The following TTC3 variants were observed in gnomAD, a reference collection of about 807,000 sequenced individuals.
The protein encoded by TTC3 is tetratricopeptide repeat domain 3, also known as E3 ubiquitin-protein ligase TTC3.
In TTC3, 180 loss-of-function variants were observed where a neutral mutation model predicts 249.6. The ratio of observed to expected loss-of-function variants is 0.72; its 90% CI spans 0.64 to 0.82. The LOEUF (loss-of-function observed/expected upper bound fraction) is 0.82, where lower values mean the gene tolerates loss of function less well. TTC3 is among the 40% of genes least tolerant of loss of function. The pLI is 0.00. For missense variants in TTC3, 2,061 were observed against 2,398.4 expected (o/e 0.86, Z 2.94); for synonymous variants, 717 against 805.0 (o/e 0.89, Z 1.85).
chr21:37,115,182 T>TAATAATAATAAC (rs2076032411), intron 11 of TTC3, among the ~76,000 whole-genome samples: 2 of 148,706 alleles, frequency 1.3e-5, no homozygotes, highest in East Asian at 2.0e-4. Flanking sequence ...AGTATAATAA[T>TAATAATAATAAC]AATAATAATA....
intron 11 of TTC3, among the ~76,000 whole-genome samples, chr21:37,118,910 CA>C (rs1414230764): frequency 1.1e-4 from 16 of 152,148 alleles, no homozygotes. Flanking sequence ...GTCTTTCTTG[CA>C]TATTTCATGT....
chr21:37,154,690 TTTTGTTTGTTTG>T (rs377222802), intron 27 of TTC3, among the ~76,000 whole-genome samples: 4 of 152,076 alleles, frequency 2.6e-5, no homozygotes, highest in Non-Finnish European at 4.4e-5. Context: ...CATGTGTTTT[TTTTGTTTGTTTG>T]TTTGTTTTTT....
At chr21:37,114,234 C>G (rs1482541547) in intron 11 of TTC3, among the ~76,000 whole-genome samples, 1 of 151,898 alleles carries the variant, frequency 6.6e-6, no homozygotes, top group African/African-American at 2.4e-5. Context: ...AAGAAACTAC[C>G]ATCAGAGTGA....
intron 40 of TTC3, 33 bp from the exon 41 acceptor site, chr21:37,192,079 G>T: frequency 7.6e-7 from 1 of 1,309,810 alleles, no homozygotes; most frequent in Non-Finnish European, 1.1e-6. Context: ...ATTGACAATT[G>T]TGGTTTTCCC....
intron 45 of TTC3, 95 bp downstream of exon 45, chr21:37,200,419 A>ATTGT (rs2085375434): frequency 7.5e-7 from 1 of 1,332,510 alleles, no homozygotes. Context: ...ATCAGTATTT[A>ATTGT]TTGTGCTTTC....
chr21:37,126,015 G>T lies in TTC3; in HGVS notation c.1234-65G>T. On this transcript the variant is annotated intron_variant, in intron 14 of 45. Transcript: ENST00000355666. ...ATTCTATTCTAAATTCTTTTATATAGCTATTGAATTCTTCATGGCTGGGTT... is the reference window on the plus strand; with the variant it reads ...ATTCTATTCTAAATTCTTTTATATATCTATTGAATTCTTCATGGCTGGGTT... 6.2e-6 allele frequency: 9 copies of T among 1,443,536 alleles called. No individual in the cohort carries two copies. The South Asian group carries it at 1.0e-4, about 16-fold the overall frequency. The allele number at this position is 1,443,536 out of a possible 1,614,324, so 89.4% of individuals were successfully genotyped here.
Position 37,166,403 on chromosome 21 carries a change from G to T in TTC3, c.4189G>T (p.Gly1397Cys), listed in dbSNP as rs149029759. The T allele has an allele frequency of 5.8e-5, 94 of 1,614,078 alleles. No homozygotes were observed. Among genetic ancestry groups the T allele is most frequent in the Non-Finnish European group, 7.7e-5 (91 of 1,180,042 alleles). ...TCATTTGAATGCTGAGAATGTTGCT[G>T]GTCACCAGATTGCCTCTGAAACACA... The change falls in exon 33 of 46, where the codon GGT (glycine) becomes TGT (cysteine). Residue 1397 changes from glycine to cysteine, a missense_variant. Gly to Cys is a radical substitution (Grantham distance 159). Transcript: ENST00000355666.
At chr21:37,194,352 G>T (rs891762523) in intron 41 of TTC3, 1 of 152,098 alleles carries the variant, frequency 6.6e-6, no homozygotes, top group Non-Finnish European at 1.5e-5. Flanking sequence ...TTCTCACATG[G>T]TCACATTGTG....
At chr21:37,192,270 C>A in intron 41 of TTC3, 57 bp downstream of exon 41, 2 of 1,165,342 alleles carry the variant, frequency 1.7e-6, no homozygotes, top group Admixed American at 2.6e-5. Flanking sequence ...GTTAACTGGC[C>A]AAAGTAGTTA....
chr21:37,155,886 T>G (rs2080012418), intron 27 of TTC3, among the ~76,000 whole-genome samples: 1 of 152,182 alleles, frequency 6.6e-6, no homozygotes, highest in African/African-American at 2.4e-5. Context: ...GGGGAATGGG[T>G]TTACCCATTT....
At chr21:37,154,276 C>A (rs542948446) in intron 27 of TTC3, among the ~76,000 whole-genome samples, 1 of 152,198 alleles carries the variant, frequency 6.6e-6, no homozygotes, top group East Asian at 1.9e-4. Flanking sequence ...TGCCAGCCGT[C>A]CCCACCTGTC....
At chr21:37,134,078 G>T (rs777569980) in intron 17 of TTC3, among the ~76,000 whole-genome samples, 7 of 152,104 alleles carry the variant, frequency 4.6e-5, no homozygotes, top group Admixed American at 1.3e-4. Flanking sequence ...CTGTCATCGA[G>T]CTTTTAAGTT....
chr21:37,073,575 G>GC (rs1470088870), intron 1 of TTC3, 102 bp downstream of exon 1: 2 of 897,638 alleles, frequency 2.2e-6, no homozygotes, highest in African/African-American at 3.6e-5. Context: ...GGCCGCCATT[G>GC]CCTACCCCAG....
Position 37,150,271 on chromosome 21 carries a change from T to C in TTC3, c.2211+101T>C, listed in dbSNP as rs947820207. 4.8e-6 allele frequency: 4 copies of C among 838,030 alleles called. No homozygotes were observed. The African/African-American group carries it at 5.2e-5, about 11-fold the overall frequency. 51.9% of individuals were successfully genotyped at this position (838,030 alleles called of 1,614,324 possible). A position where few individuals can be genotyped will look rare whatever the true frequency, so the allele number is the denominator to read the frequency against. On this transcript the variant is annotated intron_variant, in intron 24 of 45. Transcript: ENST00000355666. ...TAGATATCATGTAATTTGGATCTTT[T>C]CCAGGAAAGAAACAATTACTTCATT...
At chr21:37,192,697 C>T (rs1180547932) in intron 41 of TTC3, among the ~76,000 whole-genome samples, 1 of 152,134 alleles carries the variant, frequency 6.6e-6, no homozygotes, top group Non-Finnish European at 1.5e-5. Context: ...TCCTCAAATA[C>T]AGAATAAAAG....
chr21:37,113,299 C>G (rs1341125918), intron 11 of TTC3, among the ~76,000 whole-genome samples: 2 of 152,240 alleles, frequency 1.3e-5, no homozygotes, highest in Non-Finnish European at 2.9e-5. Flanking sequence ...CCCATCGTCT[C>G]AGCCCAAAAT....
In TTC3 at chr21:37,143,975, C is replaced by G. The variant is rs1447856230; in HGVS notation, c.1773-550C>G. Among the ~76,000 whole-genome samples the G allele has an allele frequency of 3.3e-5, 5 of 151,150 alleles. No individual in the cohort carries two copies. In the East Asian group the frequency reaches 9.7e-4, roughly 29 times the overall value. ...GGATGAAGCTGGAAACCATCATTCT[C>G]AGCAAACTGTTGCAGGGACAAAAAA... On this transcript the variant is annotated intron_variant, in intron 20 of 45. Coordinates refer to ENST00000355666, the Ensembl canonical transcript of TTC3.
chr21:37,142,850 A>G (rs543888167), intron 20 of TTC3, among the ~76,000 whole-genome samples: 65 of 152,342 alleles, frequency 4.3e-4, no homozygotes, highest in African/African-American at 1.2e-3. Flanking sequence ...AAACTATACT[A>G]CAAGGCTGCA....
chr21:37,148,563 C>T lies in TTC3; in HGVS notation c.2034C>T (p.Ser678=), dbSNP rs141486033. 2.8e-5 allele frequency: 45 copies of T among 1,591,836 alleles called. No homozygotes were observed. The African/African-American group carries it at 2.9e-4, about 10-fold the overall frequency. The change falls in exon 23 of 46, where the codon AGC becomes AGT. Residue 678 remains serine, a synonymous_variant. Transcript: ENST00000355666. ...AACCCTAGGGTTTTATACGCATCAGCTGTTGCCAGTACTGTAAAATAGAAT... is the reference window on the plus strand; with the variant it reads ...AACCCTAGGGTTTTATACGCATCAGTTGTTGCCAGTACTGTAAAATAGAAT...
Sources: gnomAD v4.1 joint callset for allele counts (sites outside exome capture counted in the v4.1 genomes callset) on GRCh38, gnomAD v4.1.1 for gene constraint, MANE v1.5 for transcripts, NCBI Gene and HGNC (gene_info 2026-07-23, HGNC 2026-07-21) for gene names.